The following LGR6 variants were observed in gnomAD, a reference collection of about 807,000 sequenced individuals.
LGR6 encodes the protein leucine rich repeat containing G protein-coupled receptor 6.
In LGR6, 45 loss-of-function variants were observed where a neutral mutation model predicts 69.4. The observed-to-expected ratio is 0.65, with a 90% CI of 0.51 to 0.83. LGR6 has a LOEUF of 0.83. Among genes scored for constraint, LGR6 ranks in the 40% least tolerant of loss-of-function variants. The probability of loss-of-function intolerance (pLI) is 0.00; values close to 1 mark genes in which losing one functional copy is unlikely to be tolerated. For missense variants in LGR6, 1,108 were observed against 1,246.7 expected (o/e 0.89, Z 1.68); for synonymous variants, 538 against 555.0 (o/e 0.97, Z 0.43).
chr1:202,209,000 C>T (rs111573260), intron 1 of LGR6, among the ~76,000 whole-genome samples: 2,904 of 152,238 alleles, frequency 0.019, 39 homozygotes, highest in Middle Eastern at 0.044. Context: ...CCCCTTACCC[C>T]TAACCTCGGC....
chr1:202,308,201 A>G (rs78122279), intron 14 of LGR6, among the ~76,000 whole-genome samples: 2,161 of 152,338 alleles, frequency 0.014, 62 homozygotes, highest in African/African-American at 0.049. Context: ...CAGGACTCCC[A>G]GCAGGCACAC....
At chr1:202,231,817 G>T (rs1331949391) in intron 3 of LGR6, among the ~76,000 whole-genome samples, 2 of 152,262 alleles carry the variant, frequency 1.3e-5, no homozygotes, top group East Asian at 3.9e-4. Context: ...TGTGGGCTGG[G>T]TGCGGTGGCT....
At chr1:202,308,166 GAGA>G (rs1454788858) in intron 14 of LGR6, among the ~76,000 whole-genome samples, 4 of 152,210 alleles carry the variant, frequency 2.6e-5, no homozygotes, top group African/African-American at 4.8e-5. Flanking sequence ...GGCCCAGGAG[GAGA>G]AGTTTACTCA....
At chr1:202,309,819 T>G (rs1653569562) in intron 15 of LGR6, among the ~76,000 whole-genome samples, 1 of 152,144 alleles carries the variant, frequency 6.6e-6, no homozygotes, top group Non-Finnish European at 1.5e-5. Flanking sequence ...TGGCCTTAAA[T>G]ATAAAAGAGG....
At position 202,318,866 on chromosome 1, in the gene LGR6, G is replaced by A. The variant is rs993802872; in HGVS notation, c.2563G>A (p.Ala855Thr). ...AGDSGPLAYA[A>T]AGELEKSSCD... is the part of the protein sequence containing the mutation. ...GGACTCAGGGCCCCTAGCCTATGCT[G>A]CGGCCGGGGAGCTGGAGAAGAGCTC... is the stretch of plus-strand genomic sequence containing the variant. Residue 855 changes from alanine to threonine, a missense_variant, in exon 18 of 18, where the codon GCG becomes ACG. Transcript: ENST00000367278. 3.5e-5 allele frequency: 56 copies of A among 1,613,716 alleles called. No individual in the cohort carries two copies. Among genetic ancestry groups the A allele is most frequent in the Non-Finnish European group, 4.6e-5 (54 of 1,179,904 alleles).
In LGR6 at chr1:202,318,199, C is replaced by T. The variant is rs540125583; in HGVS notation, c.1896C>T (p.Tyr632=). The T allele has an allele frequency of 1.5e-5, 25 of 1,612,988 alleles. No individual in the cohort carries two copies. Among genetic ancestry groups the T allele is most frequent in the Admixed American group, 8.3e-5 (5 of 60,006 alleles). The change falls in exon 18 of 18, where the codon TAC becomes TAT. Residue 632 remains tyrosine, a synonymous_variant. Coordinates refer to ENST00000367278, the MANE Select transcript of LGR6 (RefSeq NM_001017403.2). Reference sequence around the variant, plus strand: ...TGACCTTTGGTCAGTTCTCTGAGTACGGAGCCCGCTGGGAGACGGGGCTAG... The same window carrying T: ...TGACCTTTGGTCAGTTCTCTGAGTATGGAGCCCGCTGGGAGACGGGGCTAG... ...DALTFGQFSE[Y]GARWETGLGC...
At chr1:202,291,268 A>G (rs1463040858) in intron 6 of LGR6, among the ~76,000 whole-genome samples, 2 of 152,156 alleles carry the variant, frequency 1.3e-5, no homozygotes, top group South Asian at 2.1e-4. Flanking sequence ...AGACAGAACA[A>G]TGAACTCTTC....
In LGR6 at chr1:202,268,946, C is replaced by A. The variant is rs151323986; in HGVS notation, c.429-7360C>A. Among the ~76,000 whole-genome samples, 17 of 152,244 alleles carry A rather than the reference C, an allele frequency of 1.1e-4. No individual in the cohort carries two copies. In the East Asian group the frequency reaches 3.3e-3, roughly 29 times the overall value. ...TTGGAAATAGGGTCTCACTTTGTTG[C>A]CCAGGCTGGAGTGAAGTGGTGTGAA... On this transcript the variant is annotated intron_variant, in intron 4 of 17. Coordinates refer to ENST00000367278, the MANE Select transcript of LGR6 (RefSeq NM_001017403.2). The surrounding 1 kb of genome is among the most constrained non-coding windows in gnomAD (Gnocchi z 4.4).
In LGR6 at chr1:202,227,938, G is replaced by A. The variant is rs202048176; in HGVS notation, c.287G>A (p.Arg96His). The change falls in exon 3 of 18, where the codon CGT becomes CAT. Residue 96 changes from arginine (R) to histidine (H), a missense_variant and splice_region_variant. Physicochemically the swap from Arg to His is conservative, Grantham distance 29. Coordinates refer to ENST00000367278, the MANE Select transcript of LGR6 (RefSeq NM_001017403.2). ...FHHLRFLEEL[R>H]LSGNHLSHIP... is the part of the protein sequence containing the mutation. ...TGACCCTTGTCTCTGATTTCCAGGCGTCTCTCTGGGAACCATCTCTCACAC... is the reference window on the plus strand; with the variant it reads ...TGACCCTTGTCTCTGATTTCCAGGCATCTCTCTGGGAACCATCTCTCACAC... 16 of 1,612,920 alleles carry A rather than the reference G, an allele frequency of 9.9e-6. No individual in the cohort carries two copies. The highest frequency in any genetic ancestry group is 8.0e-5 in the African/African-American group (6 of 74,832).
At chr1:202,224,802 G>T (rs936224370) in intron 1 of LGR6, among the ~76,000 whole-genome samples, 1 of 152,172 alleles carries the variant, frequency 6.6e-6, no homozygotes, top group African/African-American at 2.4e-5. Flanking sequence ...GCTGCCCCCG[G>T]GTTGGGGACC....
chr1:202,232,422 G>A (rs1301727382), intron 3 of LGR6, among the ~76,000 whole-genome samples: 3 of 152,222 alleles, frequency 2.0e-5, no homozygotes, highest in Non-Finnish European at 4.4e-5. Flanking sequence ...GCATGTTAGA[G>A]TCAGCTGGGA....
At chr1:202,272,263 CT>C (rs1665165009) in intron 4 of LGR6, among the ~76,000 whole-genome samples, 2 of 152,340 alleles carry the variant, frequency 1.3e-5, no homozygotes, top group East Asian at 3.9e-4. Context: ...TTTGCTATAT[CT>C]GGCAGTGCTA....
chr1:202,218,540 T>C (rs1300127512), intron 1 of LGR6, among the ~76,000 whole-genome samples: 2 of 152,118 alleles, frequency 1.3e-5, no homozygotes, highest in Non-Finnish European at 2.9e-5. Context: ...GTCACAATAA[T>C]AGGGAGATGC....
intron 4 of LGR6, among the ~76,000 whole-genome samples, chr1:202,240,350 G>A (rs1364337597): frequency 6.6e-6 from 1 of 151,408 alleles, no homozygotes; most frequent in Non-Finnish European, 1.5e-5. Flanking sequence ...CTCCAGTCTG[G>A]GCAACAGAGC....
chr1:202,264,681 C>CT (rs986730683), intron 4 of LGR6, among the ~76,000 whole-genome samples: 3 of 152,142 alleles, frequency 2.0e-5, no homozygotes, highest in African/African-American at 7.2e-5. Flanking sequence ...AGGTCTGTGT[C>CT]TTTGGGGGAA....
At chr1:202,294,141 C>G (rs1024461699) in intron 6 of LGR6, among the ~76,000 whole-genome samples, 10 of 152,198 alleles carry the variant, frequency 6.6e-5, no homozygotes, top group Non-Finnish European at 1.3e-4. Context: ...TTTCATTAAT[C>G]AATTTATTTA....
chr1:202,302,510 C>T (rs909788961), intron 9 of LGR6, among the ~76,000 whole-genome samples: 2 of 152,134 alleles, frequency 1.3e-5, no homozygotes, highest in African/African-American at 4.8e-5. Context: ...AGGAAAACCA[C>T]CAGTCTAAAG....
intron 4 of LGR6, among the ~76,000 whole-genome samples, chr1:202,239,815 C>G (rs1402744590): frequency 6.6e-6 from 1 of 152,212 alleles, no homozygotes; most frequent in African/African-American, 2.4e-5. Flanking sequence ...ACTACTTACC[C>G]TCTGCGTTTC....
chr1:202,224,487 A>G (rs753559973), intron 1 of LGR6, among the ~76,000 whole-genome samples: 1 of 152,194 alleles, frequency 6.6e-6, no homozygotes, highest in Non-Finnish European at 1.5e-5. Context: ...GGACTAAGAC[A>G]GTGGTCCCTA....
Sources: allele counts gnomAD v4.1 joint callset (sites outside exome capture counted in the v4.1 genomes callset), GRCh38; gene constraint gnomAD v4.1.1; non-coding constraint Gnocchi (gnomAD v3.1); transcripts MANE v1.5; gene names NCBI Gene and HGNC (gene_info 2026-07-23, HGNC 2026-07-21).